Variants in JAKMIP2 observed in about 807,000 individuals in gnomAD.
JAKMIP2 encodes the protein janus kinase and microtubule interacting protein 2.
In JAKMIP2, 25 loss-of-function variants were observed where a neutral mutation model predicts 115.0. The ratio of observed to expected loss-of-function variants is 0.22; its 90% CI spans 0.16 to 0.30. JAKMIP2 has a LOEUF of 0.30. Among genes scored for constraint, JAKMIP2 ranks in the 10% least tolerant of loss-of-function variants. The probability of loss-of-function intolerance (pLI) is 1.00; values close to 1 mark genes in which losing one functional copy is unlikely to be tolerated. For missense variants in JAKMIP2, 642 were observed against 957.6 expected, an observed-to-expected ratio of 0.67 and a Z score of 4.35; for synonymous variants, 334 against 343.6, an observed-to-expected ratio of 0.97 and a Z score of 0.31.
In JAKMIP2 at chr5:147,639,778, A is replaced by C; in HGVS notation, c.1402-18T>G. 1 of 1,609,436 alleles carries C rather than the reference A, an allele frequency of 6.2e-7. No homozygotes were observed. Among genetic ancestry groups the C allele is most frequent in the Non-Finnish European group, 8.5e-7 (1 of 1,178,724 alleles). On this transcript the variant is annotated intron_variant, in intron 9 of 21. Coordinates refer to ENST00000616793, the MANE Select transcript of JAKMIP2 (RefSeq NM_001270941.2). ...GCTAAACTCTTGAGGTTAAGAAAAAAAGCCCCAAAACAATTGTGTTATGTT... is the reference window on the plus strand; with the variant it reads ...GCTAAACTCTTGAGGTTAAGAAAAACAGCCCCAAAACAATTGTGTTATGTT...
At chr5:147,721,595 G>C (rs973094199) in intron 1 of JAKMIP2, among the ~76,000 whole-genome samples, 4 of 152,178 alleles carry the variant, frequency 2.6e-5, no homozygotes, top group African/African-American at 4.8e-5. Flanking sequence ...GTATTCGGGT[G>C]GGAGTGACCC....
intron 1 of JAKMIP2, among the ~76,000 whole-genome samples, chr5:147,719,847 C>T (rs1412786414): frequency 1.3e-5 from 2 of 152,006 alleles, no homozygotes; most frequent in Admixed American, 6.5e-5. Context: ...AGTCCATTTA[C>T]ATTTAAAGTT....
At chr5:147,628,868 C>T (rs1757230123) in intron 15 of JAKMIP2, 52 bp from the exon 16 acceptor site, 1 of 1,340,858 alleles carries the variant, frequency 7.5e-7, no homozygotes, top group Non-Finnish European at 1.1e-6. Flanking sequence ...TTATTTACCC[C>T]AAAGAAAATA....
At chr5:147,639,506 T>C in intron 10 of JAKMIP2, 126 bp downstream of exon 10, 1 of 1,115,326 alleles carries the variant, frequency 9.0e-7, no homozygotes, top group East Asian at 2.5e-5. Context: ...GCTATAACAA[T>C]TCAAAAGCTG....
intron 21 of JAKMIP2, among the ~76,000 whole-genome samples, chr5:147,599,179 A>T (rs951920708): frequency 1.3e-5 from 2 of 152,214 alleles, no homozygotes; most frequent in South Asian, 4.1e-4. Context: ...TTTAAATCTA[A>T]TAATAGCTAA....
At position 147,639,725 on chromosome 5, in the gene JAKMIP2, T is replaced by C; in HGVS notation, c.1437A>G (p.Arg479=). 2 of 1,613,944 alleles carry C rather than the reference T, an allele frequency of 1.2e-6. No individual in the cohort carries two copies. Among genetic ancestry groups the C allele is most frequent in the Non-Finnish European group, 1.7e-6 (2 of 1,179,882 alleles). ...LAAEESELRF[R]QLTKEYQALQ... ...GGGCCTGATATTCTTTTGTTAATTG[T>C]CGAAATCTTAGTTCAGATTCTTCAG... The change falls in exon 10 of 22, where the codon CGA becomes CGG. Residue 479 remains arginine, a synonymous_variant. Transcript: ENST00000616793.
intron 21 of JAKMIP2, among the ~76,000 whole-genome samples, chr5:147,601,390 A>G (rs1755685912): frequency 6.6e-6 from 1 of 152,136 alleles, no homozygotes; most frequent in Admixed American, 6.6e-5. Context: ...CTGAAGTTCA[A>G]GACTACCCTG....
chr5:147,676,300 C>A (rs1759960073), intron 1 of JAKMIP2, among the ~76,000 whole-genome samples: 1 of 152,164 alleles, frequency 6.6e-6, no homozygotes, highest in Non-Finnish European at 1.5e-5. Context: ...CACGCCACTG[C>A]GCTCCAGCCT....
Position 147,620,721 on chromosome 5 carries a change from C to A in JAKMIP2, c.2087G>T (p.Gly696Val). 2 of 1,613,544 alleles carry A rather than the reference C, an allele frequency of 1.2e-6. No individual in the cohort carries two copies. The highest frequency in any genetic ancestry group is 1.7e-6 in the Non-Finnish European group (2 of 1,179,666). ...GTAGTCTAGTTCTTCCTCCAGATAG[C>A]CTTTTATTTTGCAGAACTGTTCCTA... ...SDMEQFCKIK[G>V]YLEEELDYRK... The change falls in exon 18 of 22, where the codon GGC becomes GTC. Residue 696 changes from glycine (G) to valine (V), a missense_variant. Coordinates refer to ENST00000616793, the MANE Select transcript of JAKMIP2 (RefSeq NM_001270941.2).
At chr5:147,754,643 G>A (rs540418517) in intron 1 of JAKMIP2, among the ~76,000 whole-genome samples, 3 of 152,190 alleles carry the variant, frequency 2.0e-5, no homozygotes, top group Admixed American at 6.6e-5. Context: ...AAAGTTTACC[G>A]TGAGTGAGGT....
chr5:147,667,110 A>T (rs549139118), intron 2 of JAKMIP2, among the ~76,000 whole-genome samples: 21 of 152,256 alleles, frequency 1.4e-4, no homozygotes, highest in Non-Finnish European at 2.5e-4. Flanking sequence ...GTTCTCTGGC[A>T]TTGGCAGCAT....
intron 3 of JAKMIP2, chr5:147,660,564 GA>G: frequency 7.6e-6 from 3 of 395,412 alleles, no homozygotes; most frequent in Non-Finnish European, 1.5e-5. Flanking sequence ...CTCTACAAAG[GA>G]AAAGCCCACA....
chr5:147,671,177 T>C (rs1268764620), intron 2 of JAKMIP2, among the ~76,000 whole-genome samples: 3 of 151,942 alleles, frequency 2.0e-5, no homozygotes, highest in Non-Finnish European at 4.4e-5. Context: ...AAGTGGGAGA[T>C]GAGTCAAAGA....
intron 3 of JAKMIP2, among the ~76,000 whole-genome samples, chr5:147,657,434 A>C (rs1041529292): frequency 2.6e-5 from 4 of 151,936 alleles, no homozygotes; most frequent in African/African-American, 7.3e-5. Flanking sequence ...TACCCTTAAC[A>C]TTTTTTCTTT....
rs1755065217 is a variant in JAKMIP2 at position 147,590,763 on chromosome 5, A to G, written c.*944T>C. On this transcript the variant is annotated 3_prime_UTR_variant, in exon 22 of 22. Transcript: ENST00000616793. The stretch of plus-strand genomic sequence containing the variant: ...AGATGCTCTCTGGCCCATGTTCCCT[A>G]TAGATGTTGGCGTTCTAAACAGAAC... The G allele has an allele frequency of 6.6e-6, 1 of 152,168 alleles. No homozygotes were observed. Among genetic ancestry groups the G allele is most frequent in the South Asian group, 2.1e-4 (1 of 4,830 alleles). The allele number at this position is 152,168 out of a possible 1,614,324, so 9.4% of individuals were successfully genotyped here. A position where few individuals can be genotyped will look rare whatever the true frequency, so the allele number is the denominator to read the frequency against.
chr5:147,591,938 C>T lies in JAKMIP2; in HGVS notation c.*21-252G>A, dbSNP rs544881099. Among the ~76,000 whole-genome samples the T allele has an allele frequency of 8.4e-4, 128 of 152,236 alleles. No homozygotes were observed. In the South Asian group the frequency reaches 0.021, roughly 25 times the overall value. ...ATGGTTCTTGTCTCAAAGTAAGTTGCCTGAAATATTATTATCATTACTGCT... is the reference window on the plus strand; with the variant it reads ...ATGGTTCTTGTCTCAAAGTAAGTTGTCTGAAATATTATTATCATTACTGCT... On this transcript the variant is annotated intron_variant, in intron 21 of 21. Coordinates refer to ENST00000616793, the MANE Select transcript of JAKMIP2 (RefSeq NM_001270941.2).
At chr5:147,763,305 A>G (rs1351813584) in intron 1 of JAKMIP2, among the ~76,000 whole-genome samples, 2 of 152,132 alleles carry the variant, frequency 1.3e-5, no homozygotes, top group African/African-American at 4.8e-5. Flanking sequence ...TAATGGATAG[A>G]TAAAACTCCC....
intron 3 of JAKMIP2, among the ~76,000 whole-genome samples, chr5:147,656,069 T>C (rs1229938432): frequency 6.6e-6 from 1 of 152,256 alleles, no homozygotes; most frequent in Non-Finnish European, 1.5e-5. Context: ...CTGTGTGTTG[T>C]GATTTCAGTT....
intron 1 of JAKMIP2, among the ~76,000 whole-genome samples, chr5:147,779,906 T>C (rs902284215): frequency 3.3e-5 from 5 of 152,198 alleles, no homozygotes; most frequent in Non-Finnish European, 7.4e-5. Context: ...GCCAGTTGAC[T>C]ACTCACACTT....
Sources: gnomAD v4.1 joint callset for allele counts (sites outside exome capture counted in the v4.1 genomes callset) on GRCh38, gnomAD v4.1.1 for gene constraint, MANE v1.5 for transcripts, NCBI Gene and HGNC (gene_info 2026-07-23, HGNC 2026-07-21) for gene names.